The following DCST1 variants were observed in gnomAD, a reference collection of about 807,000 sequenced individuals.
DCST1 encodes the protein DC-STAMP domain containing 1, also known as E3 ubiquitin-protein ligase DCST1.
DCST1 carries 78 observed loss-of-function variants against 89.1 expected under a neutral mutation model. The ratio of observed to expected loss-of-function variants is 0.88; its 90% CI spans 0.73 to 1.06. The LOEUF (loss-of-function observed/expected upper bound fraction) is 1.06. DCST1 is among the 50% of genes least tolerant of loss of function. The pLI is 0.00. For missense variants in DCST1, 900 were observed against 928.6 expected, an observed-to-expected ratio of 0.97 and a Z score of 0.40; for synonymous variants, 364 against 371.9, an observed-to-expected ratio of 0.98 and a Z score of 0.24.
In DCST1 at chr1:155,038,023, C is replaced by G. The variant is rs185316420; in HGVS notation, c.263-1380C>G. On this transcript the variant is annotated intron_variant, in intron 4 of 16. Coordinates refer to ENST00000295542, the MANE Select transcript of DCST1 (RefSeq NM_152494.4). ...CCAGGCTATTGCCCTTGCAAAAAAC[C>G]CAAGTTGTGTTAGCAAGGAAGAAGG... 4.9e-3 allele frequency among the ~76,000 whole-genome samples: 743 copies of G among 152,348 alleles called. 4 individuals are homozygous for G. The highest frequency in any genetic ancestry group is 8.3e-3 in the South Asian group (40 of 4,832).
intron 9 of DCST1, 46 bp downstream of exon 9, chr1:155,042,902 G>T: frequency 6.2e-7 from 1 of 1,608,844 alleles, no homozygotes; most frequent in South Asian, 1.1e-5. Context: ...TAGGGAGTGG[G>T]AGGAGGGCAT....
rs1239213837 is a variant in DCST1, at chr1:155,050,304, G to C, written c.1870-313G>C. 2.0e-5 allele frequency among the ~76,000 whole-genome samples: 3 copies of C among 152,390 alleles called. No individual in the cohort carries two copies. The East Asian group carries it at 5.8e-4, about 29-fold the overall frequency. On this transcript the variant is annotated intron_variant, in intron 16 of 16. Transcript: ENST00000295542. ...CAACTGTAAAGTGGGGATAGCAACAGTGATAGTCGATCTGGCCTGCTCACT... is the reference window on the plus strand; with the variant it reads ...CAACTGTAAAGTGGGGATAGCAACACTGATAGTCGATCTGGCCTGCTCACT...
chr1:155,046,679 C>T (rs1001815376), intron 13 of DCST1, among the ~76,000 whole-genome samples, 193 bp downstream of exon 13: 14 of 132,712 alleles, frequency 1.1e-4, no homozygotes, highest in African/African-American at 3.8e-4. Flanking sequence ...AATCTCAGCT[C>T]ACTGCAACCT....
Position 155,041,445 on chromosome 1 carries a change from T to G in DCST1, c.580T>G (p.Phe194Val). 1 of 1,613,844 alleles carries G rather than the reference T, an allele frequency of 6.2e-7. No homozygotes were observed. Among genetic ancestry groups the G allele is most frequent in the Non-Finnish European group, 8.5e-7 (1 of 1,179,964 alleles). The change falls in exon 7 of 17, where the codon TTT becomes GTT. Residue 194 changes from phenylalanine (F) to valine (V), a missense_variant. Physicochemically the swap from Phe to Val is conservative, Grantham distance 50 (BLOSUM62 -1). Coordinates refer to ENST00000295542, the MANE Select transcript of DCST1 (RefSeq NM_152494.4). ...RAETRNISAT[F>V]EDLDAQVNSE... Reference sequence around the variant, plus strand: ...AGAGACTCGGAACATCTCCGCCACTTTTGAGGACCTGGATGCCCAGGTGAA... The same window carrying G: ...AGAGACTCGGAACATCTCCGCCACTGTTGAGGACCTGGATGCCCAGGTGAA...
rs767192044 is a variant in DCST1 at position 155,046,443 on chromosome 1, C to T, written c.1452C>T (p.Phe484=). 18 of 1,613,800 alleles carry T rather than the reference C, an allele frequency of 1.1e-5. No homozygotes were observed. The highest frequency in any genetic ancestry group is 3.3e-5 in the Admixed American group (2 of 59,980). ...CGLDWALYSI[F]DTIRHHSFLQ... is the part of the protein sequence containing the mutation. ...TGGACTGGGCTCTCTACTCCATCTT[C>T]GACACCATCCGCCACCACTCCTTCC... is the stretch of plus-strand genomic sequence containing the variant. Residue 484 remains phenylalanine, a synonymous_variant, in exon 13 of 17, where the codon TTC becomes TTT. Coordinates refer to ENST00000295542, the MANE Select transcript of DCST1 (RefSeq NM_152494.4).
Position 155,044,480 on chromosome 1 carries a change from CA to C in DCST1, c.1172+994del, listed in dbSNP as rs57888793. ...CTGGTGTCAGAGTGAGAGCTTGTCT[CA>C]AAAAAAAAAAAAAAAAAAAAAAGCT... On this transcript the variant is annotated intron_variant, in intron 10 of 16. Coordinates refer to ENST00000295542, the MANE Select transcript of DCST1 (RefSeq NM_152494.4). 9.2e-3 allele frequency among the ~76,000 whole-genome samples: 581 copies of C among 63,162 alleles called. 1 individual carries two copies. The highest frequency in any genetic ancestry group is 0.028 in the African/African-American group (432 of 15,198). The allele number at this position is 63,162 out of a possible 152,430, so 41.4% of individuals were successfully genotyped here. A position where few individuals can be genotyped will look rare whatever the true frequency, so the allele number is the denominator to read the frequency against.
chr1:155,039,990 CAAAAAAAA>C (rs55764638), intron 5 of DCST1, among the ~76,000 whole-genome samples: 4 of 13,386 alleles, frequency 3.0e-4, no homozygotes, highest in African/African-American at 8.0e-4. Flanking sequence ...GACTCCGTCT[CAAAAAAAA>C]AAAAAAAAAA....
At chr1:155,037,812 A>G (rs1660319812) in intron 4 of DCST1, among the ~76,000 whole-genome samples, 1 of 152,252 alleles carries the variant, frequency 6.6e-6, no homozygotes, top group Admixed American at 6.5e-5. Flanking sequence ...TGGTGAGCCC[A>G]AAGAAGACAC....
At chr1:155,036,047 CAAAAA>C (rs11445380) in intron 4 of DCST1, among the ~76,000 whole-genome samples, 4 of 71,244 alleles carry the variant, frequency 5.6e-5, no homozygotes, top group Admixed American at 1.5e-4. Context: ...AACTCTGTCT[CAAAAA>C]AAAAAAAAAA....
rs373089077 is a variant in DCST1, at chr1:155,046,433, A to G, written c.1442A>G (p.Tyr481Cys). 6.2e-7 allele frequency: 1 copy of G among 1,612,662 alleles called. No homozygotes were observed. Among genetic ancestry groups the G allele is most frequent in the African/African-American group, 1.3e-5 (1 of 74,378 alleles). ...VVLCGLDWAL[Y>C]SIFDTIRHHS... ...CTGTGTGGCTTGGACTGGGCTCTCTACTCCATCTTCGACACCATCCGCCAC... is the reference window on the plus strand; with the variant it reads ...CTGTGTGGCTTGGACTGGGCTCTCTGCTCCATCTTCGACACCATCCGCCAC... Residue 481 changes from tyrosine (Y) to cysteine (C), a missense_variant, in exon 13 of 17, where the codon TAC becomes TGC. Tyr to Cys is a radical substitution (Grantham distance 194, BLOSUM62 -2). Coordinates refer to ENST00000295542, the MANE Select transcript of DCST1 (RefSeq NM_152494.4).
intron 4 of DCST1, among the ~76,000 whole-genome samples, chr1:155,036,170 C>T (rs550344361): frequency 1.3e-5 from 2 of 152,060 alleles, no homozygotes; most frequent in South Asian, 4.1e-4. Context: ...GTCAGAACTG[C>T]GTGCAACACA....
chr1:155,040,034 G>A (rs1450387062), intron 5 of DCST1, among the ~76,000 whole-genome samples: 1 of 144,810 alleles, frequency 6.9e-6, no homozygotes, highest in Non-Finnish European at 1.5e-5. Context: ...GCCAGGCACG[G>A]TGGCTCACCT....
At chr1:155,035,482 C>T (rs1317789966) in intron 4 of DCST1, among the ~76,000 whole-genome samples, 1 of 152,128 alleles carries the variant, frequency 6.6e-6, no homozygotes, top group Non-Finnish European at 1.5e-5. Flanking sequence ...AATTTAACAG[C>T]TCAGTAGCTT....
chr1:155,034,025 C>T lies in DCST1; in HGVS notation c.-12C>T, dbSNP rs1660188974. On this transcript the variant is annotated 5_prime_UTR_variant, in exon 2 of 17. Coordinates refer to ENST00000295542, the MANE Select transcript of DCST1 (RefSeq NM_152494.4). The stretch of plus-strand genomic sequence containing the variant: ...AGACCTGGGATGAGTGGTGCTTCCC[C>T]AAAACAGACTCATGGACATTAAACA... 2 of 1,614,018 alleles carry T rather than the reference C, an allele frequency of 1.2e-6. No individual in the cohort carries two copies. The highest frequency in any genetic ancestry group is 1.7e-6 in the Non-Finnish European group (2 of 1,179,992).
intron 4 of DCST1, among the ~76,000 whole-genome samples, chr1:155,036,958 C>T (rs1457627623): frequency 1.3e-5 from 2 of 152,230 alleles, no homozygotes; most frequent in Non-Finnish European, 2.9e-5. Context: ...AATGGGGTCT[C>T]GCTATATTGC....
chr1:155,040,826 G>A lies in DCST1; in HGVS notation c.531+202G>A, dbSNP rs78188964. ...GAGAGCCCCTGAGTCATTAGGACAT[G>A]CTCTATACACATTTCCTAATACCTG... On this transcript the variant is annotated intron_variant, in intron 6 of 16. Transcript: ENST00000295542. Among the ~76,000 whole-genome samples, 285 of 152,344 alleles carry A rather than the reference G, an allele frequency of 1.9e-3. 11 individuals carry two copies. In the East Asian group the frequency reaches 0.047, roughly 25 times the overall value.
In DCST1 at chr1:155,039,077, C is replaced by T. The variant is rs549389711; in HGVS notation, c.263-326C>T. Reference sequence around the variant, plus strand: ...TCTCTTGCTCTCTCTGCTCCCTCAGCACCTAGGGTCAGTGTCACTGTAGCC... The same window carrying T: ...TCTCTTGCTCTCTCTGCTCCCTCAGTACCTAGGGTCAGTGTCACTGTAGCC... On this transcript the variant is annotated intron_variant, in intron 4 of 16. Coordinates refer to ENST00000295542, the MANE Select transcript of DCST1 (RefSeq NM_152494.4). Among the ~76,000 whole-genome samples, 88 of 152,340 alleles carry T rather than the reference C, an allele frequency of 5.8e-4. 1 individual carries two copies. The South Asian group carries it at 0.018, about 31-fold the overall frequency.
chr1:155,037,146 C>T (rs1426023110), intron 4 of DCST1, among the ~76,000 whole-genome samples: 2 of 152,190 alleles, frequency 1.3e-5, no homozygotes, highest in East Asian at 3.9e-4. Context: ...CCAACATCGT[C>T]CAGGGGAGGT....
rs537152206 is a variant in DCST1 at position 155,043,896 on chromosome 1, C to T, written c.1172+387C>T. 2.8e-4 allele frequency among the ~76,000 whole-genome samples: 42 copies of T among 152,276 alleles called. 1 individual carries two copies. The South Asian group carries it at 7.2e-3, about 26-fold the overall frequency. On this transcript the variant is annotated intron_variant, in intron 10 of 16. Coordinates refer to ENST00000295542, the MANE Select transcript of DCST1 (RefSeq NM_152494.4). ...TTTCTCCTGCCTGCTGCGTTGGCAG[C>T]GACTTTCCCTCCATTTAGAACAAAG...
Sources: gnomAD v4.1 joint callset for allele counts (sites outside exome capture counted in the v4.1 genomes callset) on GRCh38, gnomAD v4.1.1 for gene constraint, MANE v1.5 for transcripts, NCBI Gene and HGNC (gene_info 2026-07-23, HGNC 2026-07-21) for gene names.